IQSEC1: variants seen among roughly 807,000 people sequenced by gnomAD.
IQSEC1 encodes IQ motif and SEC7 domain-containing protein 1.
A neutral mutation model predicts 91.0 loss-of-function variants in IQSEC1; 31 were observed. That is an observed-to-expected ratio of 0.34 (90% CI 0.26 to 0.46). The LOEUF (loss-of-function observed/expected upper bound fraction) is 0.46. IQSEC1 is among the 20% of genes least tolerant of loss of function. The pLI is 1.00. For missense variants in IQSEC1, 1,388 were observed against 1,575.6 expected (o/e 0.88, Z 2.02); for synonymous variants, 699 against 662.6 (o/e 1.05, Z -0.84).
rs935167533 is a variant in IQSEC1, at chr3:12,899,037, C to T, written c.*1946G>A. ...ACGCCAATGGGAGGACACAGGTGGG[C>T]GGGTTAAAGTCACATTTTTAAAAAG... On this transcript the variant is annotated 3_prime_UTR_variant, in exon 14 of 14. Coordinates refer to ENST00000613206, the MANE Select transcript of IQSEC1 (RefSeq NM_001134382.3). 1.1e-5 allele frequency: 3 copies of T among 281,676 alleles called. No individual in the cohort carries two copies. The highest frequency in any genetic ancestry group is 4.8e-5 in the South Asian group (1 of 20,750). The allele number at this position is 281,676 out of a possible 1,614,324, so 17.4% of individuals were successfully genotyped here. A position where few individuals can be genotyped will look rare whatever the true frequency, so the allele number is the denominator to read the frequency against.
At chr3:13,019,668 C>T (rs1703312538) in intron 1 of IQSEC1, among the ~76,000 whole-genome samples, 1 of 152,208 alleles carries the variant, frequency 6.6e-6, no homozygotes, top group African/African-American at 2.4e-5. Flanking sequence ...AAGGCCCATC[C>T]TCCCCAGTTA....
In IQSEC1 at chr3:12,901,295, G is replaced by C; in HGVS notation, c.3033C>G (p.His1011Gln). Reference sequence around the variant, plus strand: ...GCAGCCCCTCTGGGGGCCCCAGGTGGTGGCCAGCCACAGAGTGCTGCAAGT... The same window carrying C: ...GCAGCCCCTCTGGGGGCCCCAGGTGCTGGCCAGCCACAGAGTGCTGCAAGT... Reference protein sequence around the residue: ...LPHLQHSVAGHHLGPPEGLPQ... With the variant: ...LPHLQHSVAGQHLGPPEGLPQ... The change falls in exon 14 of 14, where the codon CAC (histidine) becomes CAG (glutamine). Residue 1011 changes from histidine to glutamine, a missense_variant. Physicochemically the swap from His to Gln is conservative, Grantham distance 24 (BLOSUM62 0). Coordinates refer to ENST00000613206, the MANE Select transcript of IQSEC1 (RefSeq NM_001134382.3). 6.5e-7 allele frequency: 1 copy of C among 1,546,908 alleles called. No individual in the cohort carries two copies.
intron 1 of IQSEC1, among the ~76,000 whole-genome samples, chr3:13,234,064 A>C (rs1694879250): frequency 6.6e-6 from 1 of 152,246 alleles, no homozygotes; most frequent in South Asian, 2.1e-4. Context: ...AATTTAAAAT[A>C]CAAGCTTCCC....
chr3:13,059,245 C>T (rs1704983256), intron 1 of IQSEC1, among the ~76,000 whole-genome samples: 3 of 152,168 alleles, frequency 2.0e-5, no homozygotes, highest in South Asian at 4.1e-4. Flanking sequence ...ATGGCGCTGC[C>T]ACCCATCAGA....
chr3:13,010,784 C>T (rs1408382086), intron 1 of IQSEC1, among the ~76,000 whole-genome samples: 1 of 152,204 alleles, frequency 6.6e-6, no homozygotes, highest in Non-Finnish European at 1.5e-5. Flanking sequence ...GAGAGGCCAG[C>T]ACCCTGGGCT....
At chr3:12,968,193 A>T (rs1293794795) in intron 1 of IQSEC1, among the ~76,000 whole-genome samples, 1 of 152,258 alleles carries the variant, frequency 6.6e-6, no homozygotes, top group Middle Eastern at 3.4e-3. Flanking sequence ...TTCAGTTTAT[A>T]AAACCTGGCC....
At chr3:13,125,076 GC>G (rs1706491235) in intron 2 of IQSEC1, among the ~76,000 whole-genome samples, 1 of 152,170 alleles carries the variant, frequency 6.6e-6, no homozygotes, top group African/African-American at 2.4e-5. Context: ...CTGCAGCAGT[GC>G]GCAGCTCCCC....
At chr3:13,183,672 T>C (rs1234292557) in intron 1 of IQSEC1, among the ~76,000 whole-genome samples, 1 of 152,226 alleles carries the variant, frequency 6.6e-6, no homozygotes, top group African/African-American at 2.4e-5. Context: ...AGCAAACTTT[T>C]TCTGTAAAGA....
At chr3:13,115,068 G>A (rs563495077) in intron 2 of IQSEC1, among the ~76,000 whole-genome samples, 8 of 152,294 alleles carry the variant, frequency 5.3e-5, no homozygotes, top group East Asian at 1.9e-4. Flanking sequence ...GCTCAGGTGC[G>A]GCCTTGAATG....
intron 1 of IQSEC1, among the ~76,000 whole-genome samples, chr3:13,190,951 G>C (rs1257615316): frequency 6.6e-6 from 1 of 152,114 alleles, no homozygotes; most frequent in African/African-American, 2.4e-5. Flanking sequence ...CTGTACCCTA[G>C]TGCAGGCCCA....
intron 1 of IQSEC1, among the ~76,000 whole-genome samples, chr3:13,050,303 C>T (rs1481437962): frequency 6.6e-6 from 1 of 152,098 alleles, no homozygotes; most frequent in African/African-American, 2.4e-5. Flanking sequence ...CAGGAACAGG[C>T]CCCAGCAAAA....
intron 1 of IQSEC1, among the ~76,000 whole-genome samples, chr3:13,167,717 G>T (rs1433655760): frequency 1.3e-5 from 2 of 152,228 alleles, no homozygotes; most frequent in Non-Finnish European, 2.9e-5. Context: ...GACGGCCAAG[G>T]CTCAAGTGAT....
At chr3:12,976,997 G>A (rs1701211707) in intron 1 of IQSEC1, among the ~76,000 whole-genome samples, 1 of 152,152 alleles carries the variant, frequency 6.6e-6, no homozygotes, top group African/African-American at 2.4e-5. Flanking sequence ...TGTGCTAGGA[G>A]AGCTCAGTAT....
At chr3:12,906,409 A>G (rs1694988558) in intron 12 of IQSEC1, among the ~76,000 whole-genome samples, 1 of 152,172 alleles carries the variant, frequency 6.6e-6, no homozygotes, top group African/African-American at 2.4e-5. Context: ...GAAGGCTGCC[A>G]GCACCTGCCT....
chr3:13,281,467 T>C (rs1049652501), intron 1 of IQSEC1, among the ~76,000 whole-genome samples: 1 of 44,256 alleles, frequency 2.3e-5, no homozygotes, highest in Non-Finnish European at 6.8e-5. Context: ...CAGAGCCATG[T>C]ATGTGTTCAC....
chr3:13,122,837 G>A (rs531423276), intron 2 of IQSEC1, among the ~76,000 whole-genome samples: 3 of 152,218 alleles, frequency 2.0e-5, no homozygotes, highest in Non-Finnish European at 2.9e-5. Flanking sequence ...CCAGACCCTC[G>A]AGGGGGAGGC....
chr3:13,203,881 G>C (rs1351434494), intron 1 of IQSEC1, among the ~76,000 whole-genome samples: 2 of 152,254 alleles, frequency 1.3e-5, no homozygotes, highest in Admixed American at 6.5e-5. Context: ...GAGCGTGCCA[G>C]TGAACAGACG....
intron 3 of IQSEC1, among the ~76,000 whole-genome samples, chr3:12,928,760 G>A (rs1697382759): frequency 6.6e-6 from 1 of 152,148 alleles, no homozygotes; most frequent in Admixed American, 6.5e-5. Flanking sequence ...CTTTGGTGTG[G>A]CCTTGGACCC....
intron 1 of IQSEC1, among the ~76,000 whole-genome samples, chr3:13,221,904 C>T (rs2125075914): frequency 6.6e-6 from 1 of 152,346 alleles, no homozygotes; most frequent in South Asian, 2.1e-4. Context: ...GTTTCCTCAA[C>T]CATGACCAGG....
Sources: allele counts gnomAD v4.1 joint callset (sites outside exome capture counted in the v4.1 genomes callset), GRCh38; gene constraint gnomAD v4.1.1; transcripts MANE v1.5; gene names NCBI Gene and HGNC (gene_info 2026-07-23, HGNC 2026-07-21).